Variants in PCTP observed in about 807,000 individuals in gnomAD.
PCTP encodes the protein START domain-containing protein 2.
A neutral mutation model predicts 31.0 loss-of-function variants in PCTP; 27 were observed. That is an observed-to-expected ratio of 0.87 (90% CI 0.64 to 1.20). The LOEUF (loss-of-function observed/expected upper bound fraction) is 1.20. PCTP is among the 50% of genes most tolerant of loss of function. The probability of loss-of-function intolerance (pLI) is 0.00; values close to 1 mark genes in which losing one functional copy is unlikely to be tolerated. For synonymous variants in PCTP, 108 were observed against 101.2 expected (o/e 1.07, Z -0.40); for missense variants, 287 against 268.2 (o/e 1.07, Z -0.49).
At chr17:55,807,227 A>G (rs1252736154) in intron 3 of PCTP, among the ~76,000 whole-genome samples, 3 of 152,150 alleles carry the variant, frequency 2.0e-5, no homozygotes, top group Admixed American at 1.3e-4. Context: ...TATCATCACC[A>G]TGACTGCTTC....
At chr17:55,777,939 T>G (rs552287415), downstream of PCTP, among the ~76,000 whole-genome samples, 5 of 152,280 alleles carry the variant, frequency 3.3e-5, no homozygotes, top group East Asian at 9.6e-4. Context: ...GCACTGAGAT[T>G]ATAGTCACTG....
chr17:55,756,625 GTTAA>G (rs1007161135), intron 1 of PCTP, among the ~76,000 whole-genome samples: 5 of 152,194 alleles, frequency 3.3e-5, no homozygotes, highest in Non-Finnish European at 5.9e-5. Flanking sequence ...TCACATAGGG[GTTAA>G]TTATTTTGTC....
chr17:55,793,625 T>C (rs1219944427), intron 3 of PCTP, among the ~76,000 whole-genome samples: 1 of 152,098 alleles, frequency 6.6e-6, no homozygotes, highest in Non-Finnish European at 1.5e-5. Flanking sequence ...TGTTCATTAT[T>C]GTAGCCCTAG....
intron 3 of PCTP, among the ~76,000 whole-genome samples, chr17:55,803,458 T>C (rs1311795582): frequency 6.6e-6 from 1 of 152,184 alleles, no homozygotes; most frequent in East Asian, 1.9e-4. Context: ...GACTTCAAAC[T>C]ATACTACAAG....
At chr17:55,780,040 C>G (rs1344420563), downstream of PCTP, among the ~76,000 whole-genome samples, 1 of 151,488 alleles carries the variant, frequency 6.6e-6, no homozygotes, top group Non-Finnish European at 1.5e-5. Flanking sequence ...AGCAGGTCCA[C>G]TTTCCCCAAG....
At chr17:55,781,733 T>C (rs553145282), downstream of PCTP, among the ~76,000 whole-genome samples, 3 of 147,432 alleles carry the variant, frequency 2.0e-5, no homozygotes, top group South Asian at 4.2e-4. Flanking sequence ...TACTGAATAC[T>C]GTAGGCAATT....
downstream of PCTP, among the ~76,000 whole-genome samples, chr17:55,825,713 A>G (rs1905374624): frequency 6.6e-6 from 1 of 152,224 alleles, no homozygotes; most frequent in Non-Finnish European, 1.5e-5. Flanking sequence ...TCTTAACTCC[A>G]TGACTCCAGG....
intron 1 of PCTP, among the ~76,000 whole-genome samples, chr17:55,758,273 AAG>A: frequency 6.6e-6 from 1 of 152,180 alleles, no homozygotes. Flanking sequence ...CTTCTAATCA[AAG>A]AGTTTGGTGA....
At chr17:55,826,247 A>G (rs529918298), downstream of PCTP, among the ~76,000 whole-genome samples, 82 of 152,272 alleles carry the variant, frequency 5.4e-4, no homozygotes, top group Non-Finnish European at 1.1e-3. Context: ...GAACATCCTC[A>G]TGTGGCCTCC....
intron 2 of PCTP, among the ~76,000 whole-genome samples, chr17:55,768,666 C>T (rs894659661): frequency 2.2e-4 from 34 of 152,130 alleles, no homozygotes; most frequent in Admixed American, 1.3e-4. Context: ...TAGTAGTAGT[C>T]GAAGAGCTAG....
chr17:55,806,067 C>G (rs1432990141), intron 3 of PCTP, among the ~76,000 whole-genome samples: 1 of 152,028 alleles, frequency 6.6e-6, no homozygotes, highest in East Asian at 1.9e-4. Flanking sequence ...AATAACTTGC[C>G]AAGTGCTTAA....
intron 3 of PCTP, among the ~76,000 whole-genome samples, chr17:55,772,284 G>A (rs1023370419): frequency 6.6e-6 from 1 of 152,154 alleles, no homozygotes; most frequent in Non-Finnish European, 1.5e-5. Context: ...AACAGGGGGC[G>A]CTGTCAAGAC....
downstream of PCTP, among the ~76,000 whole-genome samples, chr17:55,844,646 G>A (rs1264423534): frequency 6.6e-6 from 1 of 152,032 alleles, no homozygotes; most frequent in Non-Finnish European, 1.5e-5. Flanking sequence ...TTCCAGTATA[G>A]ACTCACCGAC....
chr17:55,788,074 T>C (rs1325382468), intron 3 of PCTP, among the ~76,000 whole-genome samples: 1 of 152,222 alleles, frequency 6.6e-6, no homozygotes, highest in African/African-American at 2.4e-5. Context: ...TGGATTGTAA[T>C]AACCAATTTC....
rs79178573 is a variant in PCTP, at chr17:55,771,285, G to T, written c.339+100G>T. On this transcript the variant is annotated intron_variant, in intron 3 of 5. Transcript: ENST00000268896. ...AGAGGTAGAGCTGGTTTCTCAGCAGGCACAGATAACATTGTCTCTGATTCT... is the reference window on the plus strand; with the variant it reads ...AGAGGTAGAGCTGGTTTCTCAGCAGTCACAGATAACATTGTCTCTGATTCT... 1.2e-3 allele frequency: 1,086 copies of T among 894,716 alleles called. 7 individuals carry two copies. The African/African-American group carries it at 0.016, about 13-fold the overall frequency. 55.4% of individuals were successfully genotyped at this position (894,716 alleles called of 1,614,324 possible).
chr17:55,778,861 A>C (rs949655299), downstream of PCTP, among the ~76,000 whole-genome samples: 12 of 152,212 alleles, frequency 7.9e-5, no homozygotes, highest in Non-Finnish European at 1.5e-4. Context: ...ACACTGCATA[A>C]CAATTCAAAG....
chr17:55,810,541 C>A (rs949419619), intron 3 of PCTP, among the ~76,000 whole-genome samples: 1 of 152,230 alleles, frequency 6.6e-6, no homozygotes, highest in Non-Finnish European at 1.5e-5. Context: ...GCCTAATGTG[C>A]TTTTATTATC....
downstream of PCTP, among the ~76,000 whole-genome samples, chr17:55,780,638 G>A (rs1015229619): frequency 2.6e-5 from 4 of 152,124 alleles, no homozygotes; most frequent in Admixed American, 6.5e-5. Context: ...TAGAAAACTT[G>A]GAGTCACTCA....
intron 3 of PCTP, among the ~76,000 whole-genome samples, chr17:55,798,558 C>T (rs1315874043): frequency 1.3e-5 from 2 of 151,540 alleles, no homozygotes; most frequent in Non-Finnish European, 3.0e-5. Flanking sequence ...TTATAAAAAC[C>T]AGGAGACAAT....
Sources: allele counts gnomAD v4.1 joint callset (sites outside exome capture counted in the v4.1 genomes callset), GRCh38; gene constraint gnomAD v4.1.1; transcripts MANE v1.5; gene names NCBI Gene and HGNC (gene_info 2026-07-23, HGNC 2026-07-21).